Variants in ELP4 observed in about 807,000 individuals in gnomAD.
ELP4 encodes elongator acetyltransferase complex subunit 4, also known as elongator complex protein 4.
Under a neutral mutation model 48.9 loss-of-function variants are expected in ELP4, and 51 were observed. The ratio of observed to expected loss-of-function variants is 1.04; its 90% CI spans 0.83 to 1.32. The LOEUF (loss-of-function observed/expected upper bound fraction) is 1.32. Ranked by LOEUF, ELP4 falls within the 40% of genes most tolerant of loss-of-function variation. ELP4 has a pLI of 0.00. For synonymous variants in ELP4, 210 were observed against 189.2 expected (o/e 1.11, Z -0.90); for missense variants, 519 against 514.6 (o/e 1.01, Z -0.08).
chr11:31,747,800 G>A (rs1301395173), intron 9 of ELP4, among the ~76,000 whole-genome samples: 5 of 152,228 alleles, frequency 3.3e-5, no homozygotes, highest in African/African-American at 9.6e-5. Context: ...AGTGTGCTCT[G>A]TAGTGTGTGG....
At chr11:31,765,953 T>C (rs1948031400) in intron 9 of ELP4, among the ~76,000 whole-genome samples, 1 of 152,074 alleles carries the variant, frequency 6.6e-6, no homozygotes, top group South Asian at 2.1e-4. Context: ...TTATTTCTCT[T>C]TTTACAAAAA....
chr11:31,727,957 G>C (rs1444122624), intron 9 of ELP4: 2 of 152,058 alleles, frequency 1.3e-5, no homozygotes, highest in Non-Finnish European at 2.9e-5. Flanking sequence ...AGACCTACAA[G>C]TATGTTTTTC....
intron 3 of ELP4, among the ~76,000 whole-genome samples, chr11:31,574,510 T>C (rs1420393604): frequency 9.2e-5 from 14 of 152,092 alleles, no homozygotes; most frequent in African/African-American, 3.4e-4. Flanking sequence ...GACCCCTGAG[T>C]AACCTAACTG....
At position 31,755,500 on chromosome 11, in the gene ELP4, C is replaced by T. The variant is rs1029796027; in HGVS notation, c.1144-27893C>T. 2.0e-5 allele frequency among the ~76,000 whole-genome samples: 3 copies of T among 152,294 alleles called. No individual in the cohort carries two copies. In the South Asian group the frequency reaches 6.2e-4, roughly 32 times the overall value. ...ATCATGAACCCCTTGGTAAAATGCGCTGAGAAGCAGACATTATTTTTTTAG... is the reference window on the plus strand; with the variant it reads ...ATCATGAACCCCTTGGTAAAATGCGTTGAGAAGCAGACATTATTTTTTTAG... On this transcript the variant is annotated intron_variant, in intron 9 of 9. Coordinates refer to ENST00000640961, the MANE Select transcript of ELP4 (RefSeq NM_019040.5).
At chr11:31,696,855 C>T (rs1302518939) in intron 9 of ELP4, among the ~76,000 whole-genome samples, 2 of 152,062 alleles carry the variant, frequency 1.3e-5, no homozygotes, top group African/African-American at 4.8e-5. Flanking sequence ...AATTAAAAGA[C>T]TCAGACTGGC....
At chr11:31,510,153 G>A (rs1282108808) in intron 1 of ELP4, 146 bp downstream of exon 1, 10 of 731,422 alleles carry the variant, frequency 1.4e-5, no homozygotes, top group Admixed American at 5.4e-5. Flanking sequence ...GAGATGGAGG[G>A]GAATACGGGT....
At chr11:31,531,483 A>C (rs1023027097) in intron 2 of ELP4, among the ~76,000 whole-genome samples, 5 of 152,202 alleles carry the variant, frequency 3.3e-5, no homozygotes, top group African/African-American at 1.2e-4. Context: ...GCCTTGAGTA[A>C]AGCTTCTTAA....
At chr11:31,523,565 A>G (rs998331882) in intron 2 of ELP4, among the ~76,000 whole-genome samples, 1 of 152,166 alleles carries the variant, frequency 6.6e-6, no homozygotes, top group Non-Finnish European at 1.5e-5. Context: ...GCACTGCCAG[A>G]AAAACCTAAA....
chr11:31,606,758 GC>G (rs1372218778), intron 5 of ELP4, among the ~76,000 whole-genome samples: 2 of 152,126 alleles, frequency 1.3e-5, no homozygotes, highest in Non-Finnish European at 2.9e-5. Flanking sequence ...TTTCAGTTAA[GC>G]TTTGCTAACA....
intron 9 of ELP4, among the ~76,000 whole-genome samples, chr11:31,679,501 A>G (rs1000097117): frequency 3.3e-5 from 5 of 152,118 alleles, no homozygotes; most frequent in Non-Finnish European, 5.9e-5. Flanking sequence ...GTTTCTCCCT[A>G]CGTTTTCCCT....
At chr11:31,515,532 A>G (rs1956095484) in intron 1 of ELP4, among the ~76,000 whole-genome samples, 1 of 152,130 alleles carries the variant, frequency 6.6e-6, no homozygotes, top group East Asian at 1.9e-4. Flanking sequence ...AGTCATGGTT[A>G]CATGTTCCTA....
chr11:31,706,948 G>T (rs962835001), intron 9 of ELP4: 1 of 398,098 alleles, frequency 2.5e-6, no homozygotes, highest in Non-Finnish European at 4.4e-6. Context: ...ATTCCATTGT[G>T]TATGTATACA....
At chr11:31,754,368 C>A (rs1010989517) in intron 9 of ELP4, among the ~76,000 whole-genome samples, 2 of 152,112 alleles carry the variant, frequency 1.3e-5, no homozygotes, top group Non-Finnish European at 2.9e-5. Flanking sequence ...GCACTTTCCC[C>A]CTAGCCCACC....
intron 9 of ELP4, among the ~76,000 whole-genome samples, chr11:31,769,483 C>G (rs938499630): frequency 6.6e-6 from 1 of 152,208 alleles, no homozygotes; most frequent in Non-Finnish European, 1.5e-5. Flanking sequence ...ACTTAGCAAT[C>G]TGGTGAATTG....
chr11:31,761,091 G>A (rs967584561), intron 9 of ELP4, among the ~76,000 whole-genome samples: 17 of 152,100 alleles, frequency 1.1e-4, no homozygotes, highest in Non-Finnish European at 1.8e-4. Context: ...GGCTGTTCGC[G>A]GTGGCTCACG....
intron 2 of ELP4, among the ~76,000 whole-genome samples, chr11:31,525,001 CT>C (rs1956276146): frequency 6.6e-6 from 1 of 152,124 alleles, no homozygotes; most frequent in East Asian, 1.9e-4. Context: ...AAATTCTGAG[CT>C]TTTTTCTATG....
intron 3 of ELP4, among the ~76,000 whole-genome samples, chr11:31,554,229 G>C (rs559385296): frequency 3.0e-4 from 46 of 152,242 alleles, no homozygotes; most frequent in African/African-American, 1.1e-3. Flanking sequence ...TAATGCTCTT[G>C]AATCATCCAG....
At chr11:31,597,952 C>CTTTTTTTT (rs58093641) in intron 4 of ELP4, among the ~76,000 whole-genome samples, 40 of 96,292 alleles carry the variant, frequency 4.2e-4, no homozygotes, top group Non-Finnish European at 6.1e-4. Context: ...AGCCTTTTCT[C>CTTTTTTTT]TTTTTTTTTT....
At chr11:31,516,459 T>A (rs1169073314) in intron 1 of ELP4, among the ~76,000 whole-genome samples, 1 of 152,188 alleles carries the variant, frequency 6.6e-6, no homozygotes, top group Non-Finnish European at 1.5e-5. Flanking sequence ...AAATTAAACA[T>A]TTAGTCTAAT....
Sources: allele counts gnomAD v4.1 joint callset (sites outside exome capture counted in the v4.1 genomes callset), GRCh38; gene constraint gnomAD v4.1.1; transcripts MANE v1.5; gene names NCBI Gene and HGNC (gene_info 2026-07-23, HGNC 2026-07-21).